GNAT3: variants seen among roughly 807,000 people sequenced by gnomAD.
GNAT3 encodes the protein G protein subunit alpha transducin 3, also known as guanine nucleotide-binding protein G(t) subunit alpha-3.
Under a neutral mutation model 37.7 loss-of-function variants are expected in GNAT3, and 31 were observed. The ratio of observed to expected loss-of-function variants is 0.82; its 90% confidence interval spans 0.62 to 1.11. The LOEUF is 1.11. Among genes scored for constraint, GNAT3 ranks in the 50% most tolerant of loss-of-function variants. The pLI is 0.00. For synonymous variants in GNAT3, 138 were observed against 139.8 expected (o/e 0.99, Z 0.09); for missense variants, 437 against 412.5 (o/e 1.06, Z -0.51).
At chr7:80,471,918 G>T (rs995356876) in intron 5 of GNAT3, among the ~76,000 whole-genome samples, 3 of 151,960 alleles carry the variant, frequency 2.0e-5, no homozygotes, top group African/African-American at 7.3e-5. Flanking sequence ...CAAGTATAAA[G>T]ATTGTGTATG....
At chr7:80,475,603 G>A (rs1458394415) in intron 4 of GNAT3, among the ~76,000 whole-genome samples, 1 of 151,944 alleles carries the variant, frequency 6.6e-6, no homozygotes, top group Non-Finnish European at 1.5e-5. Context: ...GTAGAATCCA[G>A]CTGAATGTTA....
chr7:80,502,104 T>A (rs935302138), intron 1 of GNAT3, among the ~76,000 whole-genome samples: 1 of 152,068 alleles, frequency 6.6e-6, no homozygotes, highest in Admixed American at 6.5e-5. Flanking sequence ...AGAGGGTAGA[T>A]CTTATGTTAA....
intron 3 of GNAT3, among the ~76,000 whole-genome samples, chr7:80,485,680 T>G (rs1790466842): frequency 6.6e-6 from 1 of 152,114 alleles, no homozygotes; most frequent in South Asian, 2.1e-4. Context: ...AAAAAATAAT[T>G]TTTTCAAATG....
rs746390156 is a variant in GNAT3 at position 80,478,875 on chromosome 7, C to A, written c.427G>T (p.Ala143Ser). 6.2e-7 allele frequency: 1 copy of A among 1,613,280 alleles called. No individual in the cohort carries two copies. ...DPGIQACFER[A>S]SEYQLNDSAA... ...GAGTCATTGAGCTGATATTCAGATG[C>A]CCTTTCAAAGCAGGCCTGAATTCCT... The change falls in exon 4 of 8, where the codon GCA becomes TCA. Residue 143 changes from alanine (A) to serine (S), a missense_variant. Ala to Ser is a moderately conservative substitution (Grantham distance 99). Transcript: ENST00000398291.
chr7:80,472,839 T>G lies in GNAT3; in HGVS notation c.590+1412A>C, dbSNP rs376213699. Among the ~76,000 whole-genome samples the G allele has an allele frequency of 1.6e-3, 238 of 152,290 alleles. 9 individuals carry two copies. In the South Asian group the frequency reaches 0.048, roughly 31 times the overall value. On this transcript the variant is annotated intron_variant, in intron 5 of 7. Transcript: ENST00000398291. ...GCAAGCAAATAAAGAAAAGGTTAAC[T>G]GTGTTTCTTAACTCCTACTGCTAAT...
intron 7 of GNAT3, among the ~76,000 whole-genome samples, chr7:80,460,681 G>C (rs901382027): frequency 1.3e-5 from 2 of 152,100 alleles, no homozygotes; most frequent in South Asian, 4.2e-4. Flanking sequence ...CCAGGAGGCA[G>C]ATGTAGCAGG....
chr7:80,510,112 A>G (rs937857078), intron 1 of GNAT3, among the ~76,000 whole-genome samples: 8 of 152,102 alleles, frequency 5.3e-5, no homozygotes, highest in African/African-American at 1.9e-4. Context: ...TCCTTTGACC[A>G]ACAACTCCCT....
At chr7:80,507,630 G>T (rs1323657442) in intron 1 of GNAT3, among the ~76,000 whole-genome samples, 1 of 151,900 alleles carries the variant, frequency 6.6e-6, no homozygotes, top group African/African-American at 2.4e-5. Flanking sequence ...GTTGATGAAG[G>T]TATTAATAAA....
chr7:80,502,245 G>A (rs1218001561), intron 1 of GNAT3, among the ~76,000 whole-genome samples: 1 of 151,964 alleles, frequency 6.6e-6, no homozygotes, highest in Non-Finnish European at 1.5e-5. Context: ...TCATCAAGTG[G>A]CATACATTAA....
intron 5 of GNAT3, among the ~76,000 whole-genome samples, chr7:80,468,878 T>C (rs1454641737): frequency 6.6e-6 from 1 of 152,146 alleles, no homozygotes; most frequent in Non-Finnish European, 1.5e-5. Flanking sequence ...TAGATAATTC[T>C]CCGATTATTT....
chr7:80,491,820 A>G (rs1336076158), intron 2 of GNAT3, among the ~76,000 whole-genome samples: 2 of 152,162 alleles, frequency 1.3e-5, no homozygotes, highest in African/African-American at 4.8e-5. Context: ...TTCTACAGAA[A>G]TTCTACTGAG....
At chr7:80,503,260 A>C (rs1335113679) in intron 1 of GNAT3, among the ~76,000 whole-genome samples, 2 of 152,176 alleles carry the variant, frequency 1.3e-5, no homozygotes, top group Non-Finnish European at 2.9e-5. Context: ...TGATTCTGTC[A>C]TTCTTCCATT....
At chr7:80,485,625 C>A (rs1436804054) in intron 3 of GNAT3, among the ~76,000 whole-genome samples, 2 of 152,050 alleles carry the variant, frequency 1.3e-5, no homozygotes, top group Non-Finnish European at 2.9e-5. Context: ...CTCACTACAT[C>A]CCCGGTGTCC....
intron 7 of GNAT3, among the ~76,000 whole-genome samples, chr7:80,459,233 A>C (rs1041369559): frequency 2.0e-5 from 3 of 152,236 alleles, no homozygotes; most frequent in African/African-American, 7.2e-5. Context: ...ACTAAGGCAC[A>C]GAAGGAGATG....
chr7:80,491,113 G>A (rs560604086), intron 2 of GNAT3, among the ~76,000 whole-genome samples: 88 of 152,238 alleles, frequency 5.8e-4, no homozygotes, highest in Non-Finnish European at 5.0e-4. Context: ...GGAGGTAGAA[G>A]CTCCTTAGGA....
At chr7:80,471,150 C>T (rs573739969) in intron 5 of GNAT3, among the ~76,000 whole-genome samples, 5 of 147,174 alleles carry the variant, frequency 3.4e-5, no homozygotes, top group African/African-American at 5.0e-5. Context: ...GGAACTGAGG[C>T]GGAAGAAAGA....
At position 80,493,371 on chromosome 7, in the gene GNAT3, T is replaced by C. The variant is rs551771781; in HGVS notation, c.161+1234A>G. Among the ~76,000 whole-genome samples the C allele has an allele frequency of 2.0e-5, 3 of 152,264 alleles. No individual in the cohort carries two copies. In the East Asian group the frequency reaches 5.8e-4, roughly 29 times the overall value. ...AAGGAGCTCTGTTCTTCAGAGACAGTAGGAAAGATCAGGTGTTTGGTTGCA... is the reference window on the plus strand; with the variant it reads ...AAGGAGCTCTGTTCTTCAGAGACAGCAGGAAAGATCAGGTGTTTGGTTGCA... On this transcript the variant is annotated intron_variant, in intron 2 of 7. Coordinates refer to ENST00000398291, the MANE Select transcript of GNAT3 (RefSeq NM_001102386.3).
chr7:80,462,657 T>A, intron 5 of GNAT3, 26 bp from the exon 6 acceptor site: 1 of 1,595,078 alleles, frequency 6.3e-7, no homozygotes, highest in Non-Finnish European at 8.6e-7. Context: ...AAATGAATAA[T>A]AAATCTTGCA....
chr7:80,499,919 AT>A (rs1790801805), intron 1 of GNAT3, among the ~76,000 whole-genome samples: 1 of 152,186 alleles, frequency 6.6e-6, no homozygotes, highest in Non-Finnish European at 1.5e-5. Flanking sequence ...ATACACTAAT[AT>A]ATAGTGAGCT....
Sources: allele counts gnomAD v4.1 joint callset (sites outside exome capture counted in the v4.1 genomes callset), GRCh38; gene constraint gnomAD v4.1.1; transcripts MANE v1.5; gene names NCBI Gene and HGNC (gene_info 2026-07-23, HGNC 2026-07-21).